Variants in KIAA1217 observed in about 807,000 individuals in gnomAD.
The protein encoded by KIAA1217 is KIAA1217.
KIAA1217 carries 88 observed loss-of-function variants against 163.9 expected under a neutral mutation model. The ratio of observed to expected loss-of-function variants is 0.54; its 90% CI spans 0.45 to 0.64. The LOEUF is 0.64. Ranked by LOEUF, KIAA1217 falls within the 30% of genes least tolerant of loss-of-function variation. The pLI is 0.00. For missense variants in KIAA1217, 2,372 were observed against 2,475.0 expected (o/e 0.96, Z 0.88); for synonymous variants, 903 against 923.1 (o/e 0.98, Z 0.39).
At chr10:24,393,493 C>T (rs1414177740) in intron 3 of KIAA1217, among the ~76,000 whole-genome samples, 3 of 152,166 alleles carry the variant, frequency 2.0e-5, no homozygotes, top group Non-Finnish European at 4.4e-5. Flanking sequence ...CCATGACGCT[C>T]TTCGGTTTCT....
chr10:24,190,415 GA>G (rs1160796065), intron 2 of KIAA1217, among the ~76,000 whole-genome samples: 2 of 152,146 alleles, frequency 1.3e-5, no homozygotes, highest in African/African-American at 4.8e-5. Flanking sequence ...TCGAAAGCCT[GA>G]ACTTCCCCAA....
At chr10:24,324,474 G>A (rs1414197636) in intron 2 of KIAA1217, among the ~76,000 whole-genome samples, 1 of 152,174 alleles carries the variant, frequency 6.6e-6, no homozygotes, top group Non-Finnish European at 1.5e-5. Flanking sequence ...GGCTAAGGCA[G>A]GAGAATTGCT....
chr10:23,850,111 A>G (rs1045631669), intron 1 of KIAA1217, among the ~76,000 whole-genome samples: 6 of 152,080 alleles, frequency 3.9e-5, no homozygotes, highest in African/African-American at 1.4e-4. Flanking sequence ...CTGAGAGTCC[A>G]TCCCATTAAA....
intron 2 of KIAA1217, among the ~76,000 whole-genome samples, chr10:24,275,066 T>C (rs1326311360): frequency 6.6e-6 from 1 of 152,112 alleles, no homozygotes. Context: ...GCCTCCCAAA[T>C]ATCTGGGACT....
At chr10:24,392,939 T>A (rs2055183553) in intron 3 of KIAA1217, among the ~76,000 whole-genome samples, 1 of 150,904 alleles carries the variant, frequency 6.6e-6, no homozygotes, top group African/African-American at 2.5e-5. Flanking sequence ...ACACACATTA[T>A]TTTTTTTTAA....
At chr10:24,133,949 T>C (rs1169126175) in intron 2 of KIAA1217, among the ~76,000 whole-genome samples, 1 of 152,222 alleles carries the variant, frequency 6.6e-6, no homozygotes, top group Non-Finnish European at 1.5e-5. Flanking sequence ...ACCCCTTGGA[T>C]CAGGCTTAGA....
At chr10:24,472,581 TAAG>T (rs1481950523) in intron 5 of KIAA1217, among the ~76,000 whole-genome samples, 1 of 152,204 alleles carries the variant, frequency 6.6e-6, no homozygotes, top group African/African-American at 2.4e-5. Context: ...GCAGCATCTC[TAAG>T]AAGCTGTGAC....
At chr10:24,361,030 G>T (rs1462401810) in intron 2 of KIAA1217, among the ~76,000 whole-genome samples, 3 of 151,882 alleles carry the variant, frequency 2.0e-5, no homozygotes, top group Non-Finnish European at 4.4e-5. Context: ...AGAAATAATA[G>T]ACTAAGAGTA....
intron 2 of KIAA1217, among the ~76,000 whole-genome samples, chr10:24,150,975 G>A (rs1446963875): frequency 1.3e-5 from 2 of 152,092 alleles, no homozygotes; most frequent in Non-Finnish European, 2.9e-5. Context: ...ATCCTAAGTG[G>A]CCAGGAGTAG....
chr10:24,331,814 T>C (rs976456716), intron 2 of KIAA1217, among the ~76,000 whole-genome samples: 3 of 152,206 alleles, frequency 2.0e-5, no homozygotes, highest in Admixed American at 6.5e-5. Context: ...ATTTATTTAT[T>C]TGGAGAGGGA....
intron 4 of KIAA1217, among the ~76,000 whole-genome samples, chr10:24,435,618 C>G (rs1480192426): frequency 6.6e-6 from 1 of 152,182 alleles, no homozygotes; most frequent in Non-Finnish European, 1.5e-5. Flanking sequence ...TACAATGAGT[C>G]ACCATTTTCT....
intron 13 of KIAA1217, among the ~76,000 whole-genome samples, chr10:24,524,967 AAGGTGAGACACCTGGCCTGTAG>A (rs2071873985): frequency 1.5e-5 from 2 of 132,062 alleles, no homozygotes; most frequent in African/African-American, 6.9e-5. Context: ...GGCCTGTAGG[AAGGTGAGACACCTGGCCTGTAG>A]GAAGGTGAGA....
At chr10:24,047,881 C>T (rs1849155118) in intron 2 of KIAA1217, among the ~76,000 whole-genome samples, 1 of 152,204 alleles carries the variant, frequency 6.6e-6, no homozygotes. Flanking sequence ...GCAGTCATGG[C>T]TGTGGATAGG....
chr10:24,136,611 A>G lies in KIAA1217; in HGVS notation c.-170-83015A>G, dbSNP rs149506417. ...TGATGATCCCACCTTTGCTGAAAAT[A>G]TTTTTATGATTTGTATTGACTGTCT... On this transcript the variant is annotated intron_variant, in intron 2 of 18. Transcript: ENST00000376462. 1.2e-3 allele frequency among the ~76,000 whole-genome samples: 185 copies of G among 152,282 alleles called. 1 individual carries two copies. Among genetic ancestry groups the G allele is most frequent in the Non-Finnish European group, 2.1e-3 (145 of 68,028 alleles).
intron 2 of KIAA1217, among the ~76,000 whole-genome samples, chr10:24,074,357 A>G (rs569012383): frequency 3.3e-5 from 5 of 152,148 alleles, no homozygotes; most frequent in African/African-American, 9.6e-5. Context: ...TGTCTCAAAC[A>G]ACAACAACAA....
chr10:24,125,635 C>T (rs1332369976), intron 2 of KIAA1217, among the ~76,000 whole-genome samples: 1 of 151,962 alleles, frequency 6.6e-6, no homozygotes, highest in East Asian at 1.9e-4. Flanking sequence ...GTTTTTCTTT[C>T]TACTACTCAC....
At position 24,282,287 on chromosome 10, in the gene KIAA1217, C is replaced by CT. The variant is rs370164452; in HGVS notation, c.354+62383dup. On this transcript the variant is annotated intron_variant, in intron 2 of 20. Coordinates refer to ENST00000376454, the MANE Select transcript of KIAA1217 (RefSeq NM_019590.5). The stretch of plus-strand genomic sequence containing the variant: ...AGCTTTCATCACGAGGCTGAGGAGT[C>CT]TTTTTCAGGTTTCTCCACTGTAAGG... Among the ~76,000 whole-genome samples the CT allele has an allele frequency of 1.3e-3, 202 of 152,064 alleles. 2 individuals are homozygous for CT. The highest frequency in any genetic ancestry group is 4.4e-3 in the African/African-American group (181 of 41,480).
intron 2 of KIAA1217, among the ~76,000 whole-genome samples, chr10:24,028,736 A>G (rs1362638096): frequency 6.6e-6 from 1 of 152,134 alleles, no homozygotes; most frequent in Non-Finnish European, 1.5e-5. Context: ...TATCCTCTTT[A>G]TGTCTGCTGT....
At chr10:24,007,966 C>A (rs1847071298) in intron 2 of KIAA1217, among the ~76,000 whole-genome samples, 1 of 152,148 alleles carries the variant, frequency 6.6e-6, no homozygotes, top group Non-Finnish European at 1.5e-5. Context: ...GGTGAGATGA[C>A]CAATTAATCC....
Sources: gnomAD v4.1 joint callset for allele counts (sites outside exome capture counted in the v4.1 genomes callset) on GRCh38, gnomAD v4.1.1 for gene constraint, MANE v1.5 for transcripts, NCBI Gene and HGNC (gene_info 2026-07-23, HGNC 2026-07-21) for gene names.